Variants in CFAP54 observed in about 807,000 individuals in gnomAD.
The protein encoded by CFAP54 is cilia and flagella associated protein 54, also known as cilia- and flagella-associated protein 54.
Under a neutral mutation model 370.4 loss-of-function variants are expected in CFAP54, and 290 were observed. That is an observed-to-expected ratio of 0.78 (90% CI 0.71 to 0.86). The LOEUF is 0.86. Ranked by LOEUF, CFAP54 falls within the 40% of genes least tolerant of loss-of-function variation. CFAP54 has a pLI of 0.00. For missense variants in CFAP54, 3,399 were observed against 3,528.7 expected, an observed-to-expected ratio of 0.96 and a Z score of 0.93; for synonymous variants, 1,206 against 1,236.5, an observed-to-expected ratio of 0.98 and a Z score of 0.52.
chr12:96,648,539 A>G (rs1010400464), intron 34 of CFAP54, among the ~76,000 whole-genome samples: 1 of 149,766 alleles, frequency 6.7e-6, no homozygotes, highest in Non-Finnish European at 1.5e-5. Context: ...GTCAGGTGAC[A>G]GGGGGCTCCA....
chr12:96,612,546 C>G (rs1403984446), intron 26 of CFAP54, among the ~76,000 whole-genome samples: 1 of 152,128 alleles, frequency 6.6e-6, no homozygotes, highest in Non-Finnish European at 1.5e-5. Flanking sequence ...CAATATTAAC[C>G]TTAAATGTAA....
At chr12:96,648,637 C>T (rs1204454427) in intron 34 of CFAP54, among the ~76,000 whole-genome samples, 1 of 121,142 alleles carries the variant, frequency 8.3e-6, no homozygotes, top group Non-Finnish European at 1.6e-5. Flanking sequence ...ATCACCTGGG[C>T]TGGAGTGCAG....
chr12:96,642,352 C>T (rs1388516236), intron 32 of CFAP54, among the ~76,000 whole-genome samples: 1 of 152,096 alleles, frequency 6.6e-6, no homozygotes, highest in Non-Finnish European at 1.5e-5. Context: ...GTTGTGAGGG[C>T]TACTGATGTG....
intron 63 of CFAP54, among the ~76,000 whole-genome samples, chr12:96,798,028 C>T (rs1384544740): frequency 6.6e-6 from 1 of 151,932 alleles, no homozygotes; most frequent in East Asian, 1.9e-4. Context: ...AACATACGTA[C>T]TTAACTTATT....
chr12:96,589,651 T>A, intron 23 of CFAP54, 88 bp downstream of exon 23: 2 of 825,610 alleles, frequency 2.4e-6, no homozygotes, highest in Non-Finnish European at 3.7e-6. Context: ...TTTAATATCA[T>A]GTTCAGATAG....
At chr12:96,641,084 A>G (rs1294186096) in intron 32 of CFAP54, among the ~76,000 whole-genome samples, 1 of 152,222 alleles carries the variant, frequency 6.6e-6, no homozygotes, top group Non-Finnish European at 1.5e-5. Context: ...ATGGGATCTA[A>G]TTAAACTAAA....
At chr12:96,599,902 T>C (rs112050517) in intron 26 of CFAP54, among the ~76,000 whole-genome samples, 83 of 152,232 alleles carry the variant, frequency 5.5e-4, no homozygotes, top group Non-Finnish European at 8.5e-4. Context: ...ATTCTAGATA[T>C]TAGCCCTTTG....
intron 8 of CFAP54, among the ~76,000 whole-genome samples, chr12:96,523,077 T>C (rs960943087): frequency 9.2e-5 from 14 of 152,306 alleles, no homozygotes; most frequent in Admixed American, 3.3e-4. Context: ...CTATATCGTT[T>C]TGAAGCTCTC....
At chr12:96,690,047 G>A (rs1414621036) in intron 43 of CFAP54, among the ~76,000 whole-genome samples, 6 of 152,246 alleles carry the variant, frequency 3.9e-5, no homozygotes, top group Admixed American at 2.0e-4. Flanking sequence ...GACTTCTTAC[G>A]TCGCATTCTT....
chr12:96,828,906 T>C, intron 65 of CFAP54, 108 bp from the exon 66 acceptor site: 1 of 549,126 alleles, frequency 1.8e-6, no homozygotes, highest in Non-Finnish European at 3.1e-6. Flanking sequence ...GGAACAAAGG[T>C]TAGGTAATGA....
In CFAP54 at chr12:96,657,983, T is replaced by A; in HGVS notation, c.5202T>A (p.Asp1734Glu). The A allele has an allele frequency of 6.2e-7, 1 of 1,613,774 alleles. No homozygotes were observed. The highest frequency in any genetic ancestry group is 1.1e-5 in the South Asian group (1 of 91,070). Reference sequence around the variant, plus strand: ...TTACCTTTGAGCATCCTTTGGATGATGTAAATGTGGTTGATTTGAAATGGA... The same window carrying A: ...TTACCTTTGAGCATCCTTTGGATGAAGTAAATGTGGTTGATTTGAAATGGA... ...SSLTFEHPLD[D>E]VNVVDLKWIH... The change falls in exon 37 of 68, where the codon GAT becomes GAA. Residue 1734 changes from aspartate (D) to glutamate (E), a missense_variant. Transcript: ENST00000524981.
At chr12:96,726,556 T>C (rs1451252746) in intron 50 of CFAP54, among the ~76,000 whole-genome samples, 1 of 151,824 alleles carries the variant, frequency 6.6e-6, no homozygotes, top group East Asian at 1.9e-4. Context: ...TCTATCTGAT[T>C]CTTCTCTCTT....
chr12:96,787,845 T>C (rs1360391685), intron 62 of CFAP54, among the ~76,000 whole-genome samples: 1 of 152,072 alleles, frequency 6.6e-6, no homozygotes, highest in African/African-American at 2.4e-5. Flanking sequence ...TTAGTATATC[T>C]TAGTTTTACT....
intron 17 of CFAP54, among the ~76,000 whole-genome samples, chr12:96,560,919 A>G (rs1408851594): frequency 6.6e-6 from 1 of 152,166 alleles, no homozygotes; most frequent in African/African-American, 2.4e-5. Context: ...TATTCCTTCT[A>G]GATTTATTTG....
At chr12:96,735,170 G>A (rs374430317) in intron 50 of CFAP54, among the ~76,000 whole-genome samples, 33 of 152,140 alleles carry the variant, frequency 2.2e-4, no homozygotes, top group African/African-American at 6.7e-4. Flanking sequence ...TGCTCCCCAC[G>A]GAGATAGAAA....
intron 20 of CFAP54, among the ~76,000 whole-genome samples, chr12:96,577,849 T>G (rs1955994915): frequency 6.6e-6 from 1 of 152,036 alleles, no homozygotes; most frequent in Non-Finnish European, 1.5e-5. Context: ...TTACCTGAGG[T>G]CAGGGGTTCG....
At chr12:96,577,204 C>G (rs1231185155) in intron 20 of CFAP54, among the ~76,000 whole-genome samples, 1 of 152,140 alleles carries the variant, frequency 6.6e-6, no homozygotes, top group Non-Finnish European at 1.5e-5. Flanking sequence ...AGGTTCTGCC[C>G]AAAGTCCTTC....
At chr12:96,573,991 C>T (rs922630587) in intron 19 of CFAP54, among the ~76,000 whole-genome samples, 11 of 152,096 alleles carry the variant, frequency 7.2e-5, no homozygotes, top group African/African-American at 1.2e-4. Flanking sequence ...ATTTTAATCA[C>T]GATTAATGAT....
chr12:96,726,630 C>T (rs370190804), intron 50 of CFAP54, among the ~76,000 whole-genome samples: 3 of 151,776 alleles, frequency 2.0e-5, no homozygotes, highest in Non-Finnish European at 2.9e-5. Flanking sequence ...AAACCAGCTC[C>T]TGGATTCATT....
Sources: gnomAD v4.1 joint callset for allele counts (sites outside exome capture counted in the v4.1 genomes callset) on GRCh38, gnomAD v4.1.1 for gene constraint, MANE v1.5 for transcripts, NCBI Gene and HGNC (gene_info 2026-07-23, HGNC 2026-07-21) for gene names.